The following PDSS2 variants were observed in gnomAD, a reference collection of about 807,000 sequenced individuals.
PDSS2 encodes the protein all trans-polyprenyl-diphosphate synthase PDSS2.
PDSS2 carries 31 observed loss-of-function variants against 44.5 expected under a neutral mutation model. The observed-to-expected ratio is 0.70, with a 90% confidence interval of 0.52 to 0.94. The LOEUF is 0.94. Among genes scored for constraint, PDSS2 ranks in the 40% least tolerant of loss-of-function variants. The pLI is 0.00. For synonymous variants in PDSS2, 157 were observed against 180.3 expected (o/e 0.87, Z 1.03); for missense variants, 452 against 482.2 (o/e 0.94, Z 0.59).
At chr6:107,238,139 C>A (rs1286957195) in intron 4 of PDSS2, among the ~76,000 whole-genome samples, 2 of 152,056 alleles carry the variant, frequency 1.3e-5, no homozygotes, top group Non-Finnish European at 2.9e-5. Context: ...GAGACTGAGG[C>A]CAAGCCAATA....
chr6:107,458,412 C>CAAAAAAAAATAAAAA (rs1782121420), intron 1 of PDSS2, among the ~76,000 whole-genome samples: 1 of 78,182 alleles, frequency 1.3e-5, no homozygotes, highest in Non-Finnish European at 2.5e-5. Context: ...GACTCCGTCT[C>CAAAAAAAAATAAAAA]AAAAAAAAAA....
chr6:107,309,521 G>C (rs1311983946), intron 2 of PDSS2, among the ~76,000 whole-genome samples: 2 of 152,172 alleles, frequency 1.3e-5, no homozygotes, highest in Non-Finnish European at 2.9e-5. Context: ...CCATTGCACA[G>C]GTCTTGGCCT....
At chr6:107,213,018 C>G (rs963637454) in intron 4 of PDSS2, among the ~76,000 whole-genome samples, 1 of 151,774 alleles carries the variant, frequency 6.6e-6, no homozygotes, top group Non-Finnish European at 1.5e-5. Flanking sequence ...CTCTCCCCCT[C>G]TTTTTATTTG....
At chr6:107,347,747 A>G (rs1778298996) in intron 1 of PDSS2, among the ~76,000 whole-genome samples, 1 of 152,186 alleles carries the variant, frequency 6.6e-6, no homozygotes, top group Non-Finnish European at 1.5e-5. Context: ...GGAACATACT[A>G]AAGTAAGACA....
At chr6:107,364,803 C>G (rs894822537) in intron 1 of PDSS2, among the ~76,000 whole-genome samples, 12 of 152,172 alleles carry the variant, frequency 7.9e-5, no homozygotes, top group African/African-American at 2.4e-4. Flanking sequence ...CATGCTGTCA[C>G]CTCTCAAAAT....
intron 3 of PDSS2, among the ~76,000 whole-genome samples, chr6:107,255,454 A>C (rs535823846): frequency 1.2e-3 from 185 of 151,842 alleles, no homozygotes; most frequent in African/African-American, 4.0e-3. Context: ...AGCCTCCCAA[A>C]GTGCTGGGAT....
rs542379637 is a variant in PDSS2, at chr6:107,391,187, A to G, written c.297-56855T>C. On this transcript the variant is annotated intron_variant, in intron 1 of 7. Transcript: ENST00000369037. ...GAGATAATAACATGGCTATTGGAAAAGAAACCCCATCTAACTCTTAAGATC... is the reference window on the plus strand; with the variant it reads ...GAGATAATAACATGGCTATTGGAAAGGAAACCCCATCTAACTCTTAAGATC... 2.2e-4 allele frequency among the ~76,000 whole-genome samples: 33 copies of G among 152,220 alleles called. 1 individual carries two copies. In the South Asian group the frequency reaches 6.8e-3, roughly 32 times the overall value.
At chr6:107,402,142 T>C (rs1365843037) in intron 1 of PDSS2, among the ~76,000 whole-genome samples, 1 of 151,578 alleles carries the variant, frequency 6.6e-6, no homozygotes, top group African/African-American at 2.4e-5. Context: ...TAGCCAGCTG[T>C]GGTGGTGGGT....
intron 4 of PDSS2, among the ~76,000 whole-genome samples, chr6:107,241,251 A>C (rs1774414404): frequency 6.6e-6 from 1 of 151,166 alleles, no homozygotes; most frequent in African/African-American, 2.4e-5. Flanking sequence ...TCGGTAAAAA[A>C]AAAAAAAAAA....
intron 2 of PDSS2, among the ~76,000 whole-genome samples, chr6:107,327,940 G>GT (rs1777599379): frequency 6.6e-6 from 1 of 152,218 alleles, no homozygotes; most frequent in African/African-American, 2.4e-5. Context: ...AAACTACTCT[G>GT]TAAGACTTAC....
chr6:107,179,731 T>C (rs138162515), intron 7 of PDSS2, among the ~76,000 whole-genome samples: 1 of 152,254 alleles, frequency 6.6e-6, no homozygotes, highest in African/African-American at 2.4e-5. Flanking sequence ...CTGAGGGACA[T>C]AGCCACCTTG....
At chr6:107,383,941 T>A (rs1158672279) in intron 1 of PDSS2, among the ~76,000 whole-genome samples, 1 of 152,222 alleles carries the variant, frequency 6.6e-6, no homozygotes, top group Admixed American at 6.5e-5. Flanking sequence ...AATGAAAACA[T>A]GTATTCACAC....
Position 107,415,925 on chromosome 6 carries a change from G to C in PDSS2, c.296+43065C>G, listed in dbSNP as rs574612308. The stretch of plus-strand genomic sequence containing the variant: ...AGGTTGTTTCAGAAGAAAGGAACAG[G>C]GGTTGGCTAGCTGGTTTCTTAGTTT... On this transcript the variant is annotated intron_variant, in intron 1 of 7. Coordinates refer to ENST00000369037, the MANE Select transcript of PDSS2 (RefSeq NM_020381.4). Among the ~76,000 whole-genome samples, 5 of 152,258 alleles carry C rather than the reference G, an allele frequency of 3.3e-5. No homozygotes were observed. The South Asian group carries it at 1.0e-3, about 32-fold the overall frequency.
intron 1 of PDSS2, among the ~76,000 whole-genome samples, chr6:107,418,468 T>C (rs543399179): frequency 2.0e-5 from 3 of 152,170 alleles, no homozygotes; most frequent in African/African-American, 4.8e-5. Flanking sequence ...GTTAATAAAC[T>C]TGTAATACAG....
intron 1 of PDSS2, among the ~76,000 whole-genome samples, chr6:107,437,670 A>C (rs1163900614): frequency 6.6e-6 from 1 of 152,018 alleles, no homozygotes; most frequent in Non-Finnish European, 1.5e-5. Flanking sequence ...CCTGTGTATT[A>C]TGAAAAATTG....
intron 1 of PDSS2, among the ~76,000 whole-genome samples, chr6:107,427,886 C>G (rs1476937688): frequency 6.6e-6 from 1 of 152,166 alleles, no homozygotes; most frequent in African/African-American, 2.4e-5. Flanking sequence ...GGAGTTGCTT[C>G]CAGCATTTAT....
chr6:107,237,635 T>A (rs1311636684), intron 4 of PDSS2, among the ~76,000 whole-genome samples: 2 of 150,376 alleles, frequency 1.3e-5, no homozygotes, highest in African/African-American at 2.4e-5. Context: ...GCACAGTGGC[T>A]TACACTTGTA....
At chr6:107,399,772 T>C (rs1156599984) in intron 1 of PDSS2, among the ~76,000 whole-genome samples, 1 of 152,190 alleles carries the variant, frequency 6.6e-6, no homozygotes, top group African/African-American at 2.4e-5. Context: ...AATACTATAA[T>C]GATTCCCAAA....
chr6:107,240,519 C>G (rs1053953942), intron 4 of PDSS2, among the ~76,000 whole-genome samples: 2 of 151,752 alleles, frequency 1.3e-5, no homozygotes, highest in African/African-American at 4.8e-5. Context: ...CTGCCTCGGC[C>G]TCCCGAGTAG....
Sources: gnomAD v4.1 joint callset for allele counts (sites outside exome capture counted in the v4.1 genomes callset) on GRCh38, gnomAD v4.1.1 for gene constraint, MANE v1.5 for transcripts, NCBI Gene and HGNC (gene_info 2026-07-23, HGNC 2026-07-21) for gene names.